CFI: variants seen among roughly 807,000 people sequenced by gnomAD.
CFI encodes the protein complement factor I, also known as C3B/C4B inactivator.
Under a neutral mutation model 78.8 loss-of-function variants are expected in CFI, and 66 were observed. The observed-to-expected ratio is 0.84, with a 90% CI of 0.69 to 1.03. CFI has a LOEUF of 1.03. Among genes scored for constraint, CFI ranks in the 50% least tolerant of loss-of-function variants. The pLI is 0.00. For missense variants in CFI, 706 were observed against 704.5 expected, an observed-to-expected ratio of 1.00 and a Z score of -0.02; for synonymous variants, 250 against 232.6, an observed-to-expected ratio of 1.07 and a Z score of -0.68.
intron 10 of CFI, among the ~76,000 whole-genome samples, chr4:109,747,181 T>C (rs1230108302): frequency 1.3e-5 from 2 of 152,144 alleles, no homozygotes; most frequent in Non-Finnish European, 2.9e-5. Context: ...AGTTTCTTTC[T>C]TCCCTTCTTT....
At chr4:109,770,633 G>C (rs926540956) in intron 1 of CFI, among the ~76,000 whole-genome samples, 2 of 78,304 alleles carry the variant, frequency 2.6e-5, no homozygotes, top group African/African-American at 8.5e-5. Flanking sequence ...ACACAGACCA[G>C]AAAAAAAAAA....
chr4:109,770,443 C>G (rs1383728526), intron 1 of CFI, among the ~76,000 whole-genome samples: 1 of 151,892 alleles, frequency 6.6e-6, no homozygotes, highest in Non-Finnish European at 1.5e-5. Flanking sequence ...GTAATCCCAG[C>G]TCCTCAGGAG....
rs1723692542 is a variant in CFI at position 109,740,803 on chromosome 4, C to A, written c.*90G>T. 2 of 1,211,224 alleles carry A rather than the reference C, an allele frequency of 1.7e-6. No homozygotes were observed. The highest frequency in any genetic ancestry group is 2.4e-6 in the Non-Finnish European group (2 of 825,194). The allele number at this position is 1,211,224 out of a possible 1,614,324, so 75.0% of individuals were successfully genotyped here. ...CCAGTGAGATTTGCTTCATTTTTCC[C>A]CCCTAGAGAATTATTAATTATACCG... On this transcript the variant is annotated 3_prime_UTR_variant, in exon 13 of 13. Transcript: ENST00000394634.
At position 109,757,050 on chromosome 4, in the gene CFI, C is replaced by G. The variant is rs1726396878; in HGVS notation, c.904+713G>C. Among the ~76,000 whole-genome samples the G allele has an allele frequency of 2.6e-5, 4 of 152,010 alleles. No homozygotes were observed. In the South Asian group the frequency reaches 8.4e-4, roughly 32 times the overall value. ...ATGAGTCATTTTACATTTACATTTACATGACTCCAGCTCTGTCGCCCAGGC... is the reference window on the plus strand; with the variant it reads ...ATGAGTCATTTTACATTTACATTTAGATGACTCCAGCTCTGTCGCCCAGGC... On this transcript the variant is annotated intron_variant, in intron 7 of 12. Transcript: ENST00000394634.
At chr4:109,763,384 G>T (rs966750693) in intron 3 of CFI, among the ~76,000 whole-genome samples, 3 of 151,938 alleles carry the variant, frequency 2.0e-5, no homozygotes, top group Non-Finnish European at 4.4e-5. Context: ...AAAGAGGAAA[G>T]ATTTTTAAAA....
downstream of CFI, among the ~76,000 whole-genome samples, chr4:109,738,692 G>A (rs1454955768): frequency 6.6e-6 from 1 of 152,088 alleles, no homozygotes; most frequent in East Asian, 1.9e-4. Context: ...GGTGCCCCCG[G>A]CCCTGCCATG....
chr4:109,766,874 G>A, intron 1 of CFI, 50 bp from the exon 2 acceptor site: 1 of 1,583,766 alleles, frequency 6.3e-7, no homozygotes, highest in East Asian at 2.2e-5. Context: ...AAAGACTCCT[G>A]TTTGAAGATG....
chr4:109,731,509 C>T, the CFI span, among the ~76,000 whole-genome samples: 1 of 152,194 alleles, frequency 6.6e-6, no homozygotes, highest in Non-Finnish European at 1.5e-5. Flanking sequence ...TTATTGAGTG[C>T]TTACTATGTG....
chr4:109,770,024 C>T (rs1490609027), intron 1 of CFI, among the ~76,000 whole-genome samples: 2 of 152,138 alleles, frequency 1.3e-5, no homozygotes, highest in Non-Finnish European at 2.9e-5. Context: ...CAGCACCTTC[C>T]ATCCTCTTTG....
chr4:109,776,914 A>G (rs1263676747), intron 1 of CFI, among the ~76,000 whole-genome samples: 4 of 152,178 alleles, frequency 2.6e-5, no homozygotes, highest in African/African-American at 9.7e-5. Flanking sequence ...TTACAGACAA[A>G]CAAATGCTGA....
intron 1 of CFI, among the ~76,000 whole-genome samples, chr4:109,800,117 C>A (rs1560572688): frequency 6.6e-6 from 1 of 152,094 alleles, no homozygotes; most frequent in African/African-American, 2.4e-5. Context: ...GCACTGCACA[C>A]CCTCCTGTGT....
At chr4:109,774,507 G>T (rs949427852) in intron 1 of CFI, among the ~76,000 whole-genome samples, 2 of 152,134 alleles carry the variant, frequency 1.3e-5, no homozygotes, top group Admixed American at 6.5e-5. Flanking sequence ...GGTCAAAGGG[G>T]CCAGTGTGGG....
At chr4:109,736,055 G>T (rs1333161187), downstream of CFI, among the ~76,000 whole-genome samples, 1 of 152,176 alleles carries the variant, frequency 6.6e-6, no homozygotes, top group African/African-American at 2.4e-5. Flanking sequence ...TGTATCTCAG[G>T]CCTGCTCAGA....
At chr4:109,797,995 T>A (rs1267594996) in intron 1 of CFI, among the ~76,000 whole-genome samples, 1 of 152,172 alleles carries the variant, frequency 6.6e-6, no homozygotes, top group Non-Finnish European at 1.5e-5. Context: ...GAAATATTAT[T>A]TGGCCTTAAA....
At chr4:109,801,541 T>C (rs1044397243) in intron 1 of CFI, among the ~76,000 whole-genome samples, 4 of 152,214 alleles carry the variant, frequency 2.6e-5, no homozygotes, top group African/African-American at 7.2e-5. Flanking sequence ...TCTATAACTA[T>C]AGAGCGTACT....
At chr4:109,736,604 C>T (rs1723382294), downstream of CFI, among the ~76,000 whole-genome samples, 1 of 152,004 alleles carries the variant, frequency 6.6e-6, no homozygotes, top group Admixed American at 6.6e-5. Context: ...GGGGGTCTAC[C>T]ATCAAGAAAA....
intron 1 of CFI, among the ~76,000 whole-genome samples, chr4:109,795,075 A>C (rs1002881042): frequency 1.3e-5 from 2 of 152,198 alleles, no homozygotes; most frequent in Non-Finnish European, 2.9e-5. Context: ...AATAAATTTC[A>C]CTTTATAGAG....
chr4:109,757,670 T>G (rs1726492171), intron 7 of CFI, 93 bp downstream of exon 7: 1 of 814,750 alleles, frequency 1.2e-6, no homozygotes, highest in Non-Finnish European at 2.0e-6. Context: ...GGTCATATCA[T>G]GCTCCATTAA....
Position 109,801,224 on chromosome 4 carries a change from A to C in CFI, c.57+691T>G, listed in dbSNP as rs145582092. Among the ~76,000 whole-genome samples the C allele has an allele frequency of 1.1e-3, 162 of 152,230 alleles. 1 individual carries two copies. The highest frequency in any genetic ancestry group is 3.5e-3 in the African/African-American group (145 of 41,544). On this transcript the variant is annotated intron_variant, in intron 1 of 12. Coordinates refer to ENST00000394634, the MANE Select transcript of CFI (RefSeq NM_000204.5). ...GCCTTCATTCTGATCAAATGGATTC[A>C]TTTATTTGGAGGGGCCTAGTGCATT...
Sources: allele counts gnomAD v4.1 joint callset (sites outside exome capture counted in the v4.1 genomes callset), GRCh38; gene constraint gnomAD v4.1.1; transcripts MANE v1.5; gene names NCBI Gene and HGNC (gene_info 2026-07-23, HGNC 2026-07-21).